Variants in GNA14 observed in about 807,000 individuals in gnomAD.
The protein encoded by GNA14 is guanine nucleotide-binding protein subunit alpha-14.
GNA14 carries 50 observed loss-of-function variants against 42.0 expected under a neutral mutation model. The observed-to-expected ratio is 1.19, with a 90% CI of 0.95 to 1.51. The LOEUF is 1.51. GNA14 is among the 40% of genes most tolerant of loss of function. GNA14 has a pLI of 0.00. For missense variants in GNA14, 473 were observed against 446.2 expected (o/e 1.06, Z -0.54); for synonymous variants, 173 against 163.1 (o/e 1.06, Z -0.46).
At chr9:77,494,768 G>A (rs1448177692) in intron 2 of GNA14, among the ~76,000 whole-genome samples, 2 of 126,620 alleles carry the variant, frequency 1.6e-5, no homozygotes, top group African/African-American at 6.5e-5. Flanking sequence ...AAGAGTTGTG[G>A]GGTTTTTGTT....
At chr9:77,555,673 G>A (rs1053027021) in intron 1 of GNA14, among the ~76,000 whole-genome samples, 1 of 152,062 alleles carries the variant, frequency 6.6e-6, no homozygotes, top group African/African-American at 2.4e-5. Flanking sequence ...TAAAGAGTTG[G>A]AGAAAAAAGT....
rs112254647 is a variant in GNA14, at chr9:77,575,943, CAAA to C, written c.125-46693_125-46691del. ...CTCACCAGACCAGAGGTGGCATGAC[CAAA>C]AAGGGGTTTCAGGAGAAGGGGGTAG... On this transcript the variant is annotated intron_variant, in intron 1 of 6. Coordinates refer to ENST00000341700, the MANE Select transcript of GNA14 (RefSeq NM_004297.4). Among the ~76,000 whole-genome samples the C allele has an allele frequency of 2.8e-4, 42 of 152,222 alleles. 2 individuals are homozygous for C. The highest frequency in any genetic ancestry group is 9.4e-4 in the African/African-American group (39 of 41,546).
chr9:77,562,612 A>G (rs1822901189), intron 1 of GNA14, among the ~76,000 whole-genome samples: 1 of 152,184 alleles, frequency 6.6e-6, no homozygotes, highest in South Asian at 2.1e-4. Context: ...TAAAAGTCCC[A>G]TGGGCTGGAA....
intron 1 of GNA14, among the ~76,000 whole-genome samples, chr9:77,604,310 G>A (rs971238151): frequency 7.2e-5 from 11 of 152,162 alleles, no homozygotes; most frequent in Admixed American, 1.3e-4. Context: ...TCAACTATCC[G>A]GTAGAGATAG....
In GNA14 at chr9:77,425,654, T is replaced by G; in HGVS notation, c.785A>C (p.Asn262Thr). 15 of 1,609,484 alleles carry G rather than the reference T, an allele frequency of 9.3e-6. No homozygotes were observed. Among genetic ancestry groups the G allele is most frequent in the Non-Finnish European group, 1.2e-5 (14 of 1,175,872 alleles). The change falls in exon 6 of 7, where the codon AAT (asparagine) becomes ACT (threonine). Residue 262 changes from asparagine to threonine, a missense_variant. Asn to Thr is a moderately conservative substitution (Grantham distance 65). Coordinates refer to ENST00000341700, the MANE Select transcript of GNA14 (RefSeq NM_004297.4). ...GTTCAAGAATAAAATCACAGACGAATTCAGAAACCAGGGGTAGGTGATGAT... is the reference window on the plus strand; with the variant it reads ...GTTCAAGAATAAAATCACAGACGAAGTCAGAAACCAGGGGTAGGTGATGAT... ...KTIITYPWFL[N>T]SSVILFLNKK...
At chr9:77,577,812 G>A (rs1823152260) in intron 1 of GNA14, among the ~76,000 whole-genome samples, 1 of 152,060 alleles carries the variant, frequency 6.6e-6, no homozygotes, top group Admixed American at 6.5e-5. Context: ...TCTTCTCCCA[G>A]TAGTCATGTT....
At chr9:77,579,885 CCTT>C (rs1325138603) in intron 1 of GNA14, among the ~76,000 whole-genome samples, 1 of 152,204 alleles carries the variant, frequency 6.6e-6, no homozygotes, top group Non-Finnish European at 1.5e-5. Context: ...TCATTTCTAT[CCTT>C]CTCCACATTC....
intron 2 of GNA14, among the ~76,000 whole-genome samples, chr9:77,452,039 G>A (rs1365448833): frequency 6.6e-6 from 1 of 152,148 alleles, no homozygotes; most frequent in East Asian, 1.9e-4. Flanking sequence ...GTCTCACACC[G>A]CATCCCAGGG....
intron 1 of GNA14, among the ~76,000 whole-genome samples, chr9:77,563,098 G>A (rs1187753964): frequency 1.3e-5 from 2 of 152,140 alleles, no homozygotes; most frequent in Non-Finnish European, 2.9e-5. Context: ...AGTGGCAGGG[G>A]ATTAAAGGCT....
intron 1 of GNA14, among the ~76,000 whole-genome samples, chr9:77,596,602 T>A (rs938294027): frequency 3.0e-4 from 46 of 151,938 alleles, no homozygotes; most frequent in Non-Finnish European, 5.1e-4. Flanking sequence ...GGGAAAGGAA[T>A]AGGAAGAAGA....
chr9:77,566,078 C>G (rs1822963413), intron 1 of GNA14, among the ~76,000 whole-genome samples: 1 of 151,928 alleles, frequency 6.6e-6, no homozygotes, highest in East Asian at 1.9e-4. Context: ...CCAAATATCA[C>G]CGGTGCTGAG....
At chr9:77,554,344 T>C (rs776450040) in intron 1 of GNA14, among the ~76,000 whole-genome samples, 39 of 152,340 alleles carry the variant, frequency 2.6e-4, no homozygotes, top group South Asian at 6.2e-4. Flanking sequence ...AGTGTTTCAT[T>C]ATTTATGCAC....
At chr9:77,498,335 T>A (rs1347300868) in intron 2 of GNA14, among the ~76,000 whole-genome samples, 3 of 127,732 alleles carry the variant, frequency 2.3e-5, no homozygotes, top group Non-Finnish European at 4.6e-5. Flanking sequence ...ATCGCACCAT[T>A]GCACTCCAGT....
At chr9:77,556,878 G>A (rs1822789281) in intron 1 of GNA14, among the ~76,000 whole-genome samples, 1 of 152,068 alleles carries the variant, frequency 6.6e-6, no homozygotes, top group South Asian at 2.1e-4. Context: ...TTCTTTTTGG[G>A]GACAACTTCT....
chr9:77,485,349 C>G (rs1055724463), intron 2 of GNA14, among the ~76,000 whole-genome samples: 1 of 152,184 alleles, frequency 6.6e-6, no homozygotes, highest in Non-Finnish European at 1.5e-5. Context: ...TCAGTTACAT[C>G]TTCAGGCTCC....
At chr9:77,539,348 T>A (rs1281029092) in intron 1 of GNA14, among the ~76,000 whole-genome samples, 1 of 152,198 alleles carries the variant, frequency 6.6e-6, no homozygotes, top group Non-Finnish European at 1.5e-5. Context: ...GTATCCCTGG[T>A]ATAAATTCTA....
chr9:77,432,225 G>C (rs1054101259), intron 3 of GNA14, among the ~76,000 whole-genome samples: 2 of 152,052 alleles, frequency 1.3e-5, no homozygotes, highest in Non-Finnish European at 2.9e-5. Context: ...TGCTGAGGTC[G>C]GCCCTGCCCT....
At chr9:77,500,682 T>C (rs948635775) in intron 2 of GNA14, among the ~76,000 whole-genome samples, 2 of 152,212 alleles carry the variant, frequency 1.3e-5, no homozygotes, top group South Asian at 2.1e-4. Context: ...TCCAAATATA[T>C]ACAAATGAAA....
At chr9:77,635,858 T>C (rs1824176748) in intron 1 of GNA14, among the ~76,000 whole-genome samples, 1 of 152,156 alleles carries the variant, frequency 6.6e-6, no homozygotes, top group African/African-American at 2.4e-5. Flanking sequence ...CTCTGGACCT[T>C]TGCCACCCCA....
Sources: allele counts gnomAD v4.1 joint callset (sites outside exome capture counted in the v4.1 genomes callset), GRCh38; gene constraint gnomAD v4.1.1; transcripts MANE v1.5; gene names NCBI Gene and HGNC (gene_info 2026-07-23, HGNC 2026-07-21).